PLCL1: variants seen among roughly 807,000 people sequenced by gnomAD.
The protein encoded by PLCL1 is inactive phospholipase C-like protein 1.
PLCL1 carries 41 observed loss-of-function variants against 84.4 expected under a neutral mutation model. The ratio of observed to expected loss-of-function variants is 0.49; its 90% CI spans 0.38 to 0.63. PLCL1 has a LOEUF of 0.63. PLCL1 is among the 30% of genes least tolerant of loss of function. PLCL1 has a pLI of 0.00. For synonymous variants in PLCL1, 490 were observed against 488.3 expected (o/e 1.00, Z -0.05); for missense variants, 1,206 against 1,367.8 (o/e 0.88, Z 1.87).
chr2:197,973,399 A>G (rs1315781880), intron 1 of PLCL1, among the ~76,000 whole-genome samples: 2 of 152,234 alleles, frequency 1.3e-5, no homozygotes, highest in Non-Finnish European at 2.9e-5. Flanking sequence ...GTTTACCATA[A>G]TTCAATTGAA....
At chr2:198,067,084 A>G (rs766470388) in intron 1 of PLCL1, among the ~76,000 whole-genome samples, 20 of 151,842 alleles carry the variant, frequency 1.3e-4, no homozygotes, top group Non-Finnish European at 2.9e-4. Context: ...ATATTCCAAA[A>G]TATGAAGAAT....
chr2:198,143,175 C>T (rs561037409), intron 5 of PLCL1, among the ~76,000 whole-genome samples: 9 of 152,020 alleles, frequency 5.9e-5, no homozygotes, highest in South Asian at 2.1e-4. Context: ...TGGTGGGTGT[C>T]GGGGGGTGGT....
chr2:198,112,162 A>G (rs974453529), intron 5 of PLCL1, among the ~76,000 whole-genome samples: 3 of 151,946 alleles, frequency 2.0e-5, no homozygotes, highest in Admixed American at 1.3e-4. Flanking sequence ...TCTCTTTGTA[A>G]GTAAATCAGT....
At chr2:197,944,433 C>T (rs1202521824) in intron 1 of PLCL1, among the ~76,000 whole-genome samples, 6 of 152,174 alleles carry the variant, frequency 3.9e-5, no homozygotes, top group African/African-American at 1.2e-4. Flanking sequence ...GGCTCACATT[C>T]TCTGGAGAAT....
chr2:198,075,780 G>T (rs1373583040), intron 1 of PLCL1, among the ~76,000 whole-genome samples: 1 of 152,024 alleles, frequency 6.6e-6, no homozygotes, highest in Non-Finnish European at 1.5e-5. Context: ...GATGATCTTT[G>T]TTCTTATTTA....
chr2:198,039,511 T>C (rs1691612930), intron 1 of PLCL1, among the ~76,000 whole-genome samples: 1 of 152,212 alleles, frequency 6.6e-6, no homozygotes, highest in Admixed American at 6.5e-5. Flanking sequence ...ATGTGTATAC[T>C]GTGTTTTTTA....
intron 1 of PLCL1, among the ~76,000 whole-genome samples, chr2:198,068,537 G>A (rs1292063894): frequency 6.6e-6 from 1 of 152,102 alleles, no homozygotes; most frequent in Non-Finnish European, 1.5e-5. Flanking sequence ...TATCCTCTCA[G>A]GGGTTGTGCT....
intron 3 of PLCL1, among the ~76,000 whole-genome samples, chr2:198,099,104 G>A (rs867977526): frequency 6.6e-6 from 1 of 152,124 alleles, no homozygotes; most frequent in Non-Finnish European, 1.5e-5. Context: ...AGCAGCTCAG[G>A]CTGAGACATC....
intron 1 of PLCL1, among the ~76,000 whole-genome samples, chr2:197,904,484 T>C (rs977876944): frequency 2.0e-5 from 3 of 152,196 alleles, no homozygotes; most frequent in African/African-American, 7.2e-5. Context: ...TAGTCACAGA[T>C]TTCCTTTATT....
rs148727491 is a variant in PLCL1 at position 197,902,569 on chromosome 2, C to T, written c.240+97230C>T. Reference sequence around the variant, plus strand: ...TTTTTTATCTCTGGAATAGGCAGTTCCCTAATAGTTTTGTAGGCTAATGGA... The same window carrying T: ...TTTTTTATCTCTGGAATAGGCAGTTTCCTAATAGTTTTGTAGGCTAATGGA... On this transcript the variant is annotated intron_variant, in intron 1 of 5. Transcript: ENST00000428675. 3.5e-3 allele frequency among the ~76,000 whole-genome samples: 529 copies of T among 152,240 alleles called. 4 individuals are homozygous for T. Among genetic ancestry groups the T allele is most frequent in the African/African-American group, 0.012 (491 of 41,530 alleles).
chr2:197,966,845 ATTTTTTT>A (rs34706360), intron 1 of PLCL1, among the ~76,000 whole-genome samples: 4 of 100,264 alleles, frequency 4.0e-5, no homozygotes, highest in South Asian at 3.3e-4. Context: ...ATCCATACTA[ATTTTTTT>A]TTTTTTTTTT....
intron 1 of PLCL1, among the ~76,000 whole-genome samples, chr2:198,048,836 C>T (rs1182225208): frequency 6.6e-6 from 1 of 152,204 alleles, no homozygotes; most frequent in Admixed American, 6.5e-5. Flanking sequence ...GCCCCACCTC[C>T]CATTACCACT....
At chr2:198,092,013 C>T (rs1693055881) in intron 3 of PLCL1, among the ~76,000 whole-genome samples, 1 of 151,838 alleles carries the variant, frequency 6.6e-6, no homozygotes, top group Non-Finnish European at 1.5e-5. Context: ...GCCTCCCCTG[C>T]CTCTTTAGTT....
At chr2:197,924,013 G>A (rs914936645) in intron 1 of PLCL1, among the ~76,000 whole-genome samples, 7 of 151,170 alleles carry the variant, frequency 4.6e-5, no homozygotes, top group African/African-American at 9.7e-5. Flanking sequence ...CAGGCGTGGC[G>A]GCGCGTGCCT....
At chr2:198,121,997 A>G (rs376164474) in intron 5 of PLCL1, among the ~76,000 whole-genome samples, 1 of 151,978 alleles carries the variant, frequency 6.6e-6, no homozygotes, top group African/African-American at 2.4e-5. Context: ...ATTTCCCTCA[A>G]TTCATGCTGT....
Position 197,805,422 on chromosome 2 carries a change from AGGCATCCG to A in PLCL1, c.240+87_240+94del. The A allele has an allele frequency of 8.2e-7, 1 of 1,215,088 alleles. No homozygotes were observed. The highest frequency in any genetic ancestry group is 1.0e-6 in the Non-Finnish European group (1 of 960,068). The allele number at this position is 1,215,088 out of a possible 1,614,324, so 75.3% of individuals were successfully genotyped here. ...CCCGGGCAGGATGTGCGGTGTCCGG[AGGCATCCG>A]GGCTCAGCATTGTTTTCTCCCACCT... On this transcript the variant is annotated intron_variant, in intron 1 of 5. Transcript: ENST00000428675. This position sits in a 1 kb window ranked among gnomAD's most constrained non-coding sequence, Gnocchi z 4.0.
intron 1 of PLCL1, among the ~76,000 whole-genome samples, chr2:197,874,506 T>G (rs1687702010): frequency 1.3e-5 from 2 of 152,130 alleles, no homozygotes; most frequent in African/African-American, 4.8e-5. Context: ...AAAATTAAAT[T>G]ATCTGTTTAC....
At chr2:197,845,634 C>T (rs1365765493) in intron 1 of PLCL1, among the ~76,000 whole-genome samples, 15 of 152,070 alleles carry the variant, frequency 9.9e-5, no homozygotes. Context: ...TTTAGATAAA[C>T]ATATATCTTT....
At chr2:197,980,441 G>A (rs1690078971) in intron 1 of PLCL1, among the ~76,000 whole-genome samples, 1 of 152,112 alleles carries the variant, frequency 6.6e-6, no homozygotes, top group Admixed American at 6.6e-5. Context: ...TGTATATCTG[G>A]TGACATAGCC....
Sources: gnomAD v4.1 joint callset for allele counts (sites outside exome capture counted in the v4.1 genomes callset) on GRCh38, gnomAD v4.1.1 for gene constraint, Gnocchi (gnomAD v3.1) non-coding constraint, MANE v1.5 for transcripts, NCBI Gene and HGNC (gene_info 2026-07-23, HGNC 2026-07-21) for gene names.